Variants in SPATA17 observed in about 807,000 individuals in gnomAD.
The protein encoded by SPATA17 is spermatogenesis associated 17.
SPATA17 carries 53 observed loss-of-function variants against 62.2 expected under a neutral mutation model. That is an observed-to-expected ratio of 0.85 (90% CI 0.68 to 1.07). SPATA17 has a LOEUF of 1.07. Among genes scored for constraint, SPATA17 ranks in the 50% least tolerant of loss-of-function variants. The pLI, the probability that SPATA17 is intolerant of heterozygous loss-of-function variation, is 0.00. For synonymous variants in SPATA17, 146 were observed against 146.8 expected (o/e 0.99, Z 0.04); for missense variants, 466 against 425.5 (o/e 1.10, Z -0.84).
At chr1:217,829,141 C>A (rs1029852253) in intron 9 of SPATA17, among the ~76,000 whole-genome samples, 3 of 152,062 alleles carry the variant, frequency 2.0e-5, no homozygotes, top group African/African-American at 7.2e-5. Flanking sequence ...ATCTGCATTT[C>A]TACATTCATT....
At chr1:217,805,056 A>G (rs1558058113) in intron 9 of SPATA17, among the ~76,000 whole-genome samples, 1 of 152,202 alleles carries the variant, frequency 6.6e-6, no homozygotes, top group South Asian at 2.1e-4. Context: ...AGTGAAATCC[A>G]TATATTGAAG....
chr1:217,634,465 G>C (rs1053467905), intron 1 of SPATA17, among the ~76,000 whole-genome samples: 1 of 152,144 alleles, frequency 6.6e-6, no homozygotes, highest in Non-Finnish European at 1.5e-5. Context: ...GTCAGAGCCA[G>C]TTTATCAATC....
At chr1:217,762,307 C>G (rs145597060) in intron 6 of SPATA17, among the ~76,000 whole-genome samples, 5 of 152,320 alleles carry the variant, frequency 3.3e-5, no homozygotes, top group Admixed American at 3.3e-4. Flanking sequence ...CTGGGCCTCT[C>G]AACCTGAATG....
Position 217,656,128 on chromosome 1 carries a change from C to A in SPATA17, c.240+4950C>A, listed in dbSNP as rs1336674559. On this transcript the variant is annotated intron_variant, in intron 3 of 10. Transcript: ENST00000366933. ...CGAACTCCTGACCTCAGATGATCCA[C>A]CCGCCTTGGCCTCCAAAAATGCTGG... Among the ~76,000 whole-genome samples the A allele has an allele frequency of 7.9e-5, 12 of 152,138 alleles. No homozygotes were observed. The South Asian group carries it at 2.5e-3, about 32-fold the overall frequency.
At chr1:217,865,013 T>A (rs963308220) in intron 10 of SPATA17, among the ~76,000 whole-genome samples, 2 of 152,146 alleles carry the variant, frequency 1.3e-5, no homozygotes, top group South Asian at 2.1e-4. Flanking sequence ...ATTGACAATA[T>A]TATAAAAACG....
intron 1 of SPATA17, among the ~76,000 whole-genome samples, chr1:217,635,774 G>C (rs931085035): frequency 6.6e-6 from 1 of 151,962 alleles, no homozygotes; most frequent in African/African-American, 2.4e-5. Context: ...ATGATAACGG[G>C]ATTGGGGAGA....
chr1:217,658,494 C>A (rs186382343), intron 3 of SPATA17, among the ~76,000 whole-genome samples: 3 of 152,236 alleles, frequency 2.0e-5, no homozygotes, highest in Admixed American at 6.5e-5. Flanking sequence ...TGTGGAGGCT[C>A]ACACCTGTAA....
intron 9 of SPATA17, among the ~76,000 whole-genome samples, chr1:217,834,372 G>A (rs376537360): frequency 2.0e-5 from 3 of 152,070 alleles, no homozygotes; most frequent in African/African-American, 7.2e-5. Flanking sequence ...GGTCTTTCAG[G>A]AGGTATCCAG....
rs1004069969 is a variant in SPATA17, at chr1:217,870,049, G to A, written c.*3030G>A. ...TTACTATACAATTTTGTGTACTTTT[G>A]TAAGTTCTTGGTTGTTTCTAAACTT... On this transcript the variant is annotated 3_prime_UTR_variant, in exon 11 of 11. Coordinates refer to ENST00000366933, the MANE Select transcript of SPATA17 (RefSeq NM_138796.4). The A allele has an allele frequency of 2.0e-5, 3 of 152,080 alleles. No individual in the cohort carries two copies. The highest frequency in any genetic ancestry group is 4.4e-5 in the Non-Finnish European group (3 of 68,002). 9.4% of individuals were successfully genotyped at this position (152,080 alleles called of 1,614,324 possible).
Position 217,868,043 on chromosome 1 carries a change from A to G in SPATA17, c.*1024A>G, listed in dbSNP as rs909532983. Reference sequence around the variant, plus strand: ...CAAATAAATTACAAAACTGAGGGGAAAAAAAGGAACCTATTAAAAAGACAT... The same window carrying G: ...CAAATAAATTACAAAACTGAGGGGAGAAAAAGGAACCTATTAAAAAGACAT... On this transcript the variant is annotated 3_prime_UTR_variant, in exon 11 of 11. Transcript: ENST00000366933. 6.6e-6 allele frequency: 1 copy of G among 152,182 alleles called. No homozygotes were observed. Among genetic ancestry groups the G allele is most frequent in the Admixed American group, 6.6e-5 (1 of 15,264 alleles). The allele number at this position is 152,182 out of a possible 1,614,324, so 9.4% of individuals were successfully genotyped here. A position where few individuals can be genotyped will look rare whatever the true frequency, so the allele number is the denominator to read the frequency against.
At chr1:217,738,959 CAAAAT>C (rs1558586302) in intron 5 of SPATA17, among the ~76,000 whole-genome samples, 1 of 152,036 alleles carries the variant, frequency 6.6e-6, no homozygotes, top group African/African-American at 2.4e-5. Flanking sequence ...CTCAAAAAGA[CAAAAT>C]AAAACAAAAC....
At chr1:217,851,400 A>C (rs1398257458) in intron 9 of SPATA17, among the ~76,000 whole-genome samples, 1 of 152,094 alleles carries the variant, frequency 6.6e-6, no homozygotes, top group African/African-American at 2.4e-5. Flanking sequence ...CTACTAGATT[A>C]GCAATTTTTC....
intron 9 of SPATA17, among the ~76,000 whole-genome samples, chr1:217,825,856 G>C (rs897409803): frequency 2.6e-5 from 4 of 151,966 alleles, no homozygotes; most frequent in African/African-American, 9.7e-5. Flanking sequence ...TGTTTTCCAA[G>C]AACACACTAT....
At chr1:217,796,712 T>C (rs1008280930) in intron 8 of SPATA17, among the ~76,000 whole-genome samples, 8 of 152,186 alleles carry the variant, frequency 5.3e-5, no homozygotes, top group African/African-American at 1.9e-4. Flanking sequence ...CTATTCCAGA[T>C]TGTTGCTCAT....
chr1:217,840,904 G>T (rs1048312436), intron 9 of SPATA17, among the ~76,000 whole-genome samples: 1 of 151,654 alleles, frequency 6.6e-6, no homozygotes, highest in African/African-American at 2.4e-5. Context: ...CAATAATTTA[G>T]CTCTGCTTTA....
chr1:217,652,792 G>A (rs1670352365), intron 3 of SPATA17, among the ~76,000 whole-genome samples: 1 of 152,182 alleles, frequency 6.6e-6, no homozygotes, highest in Non-Finnish European at 1.5e-5. Context: ...TGTAGAAAGA[G>A]GACAGGCTTT....
intron 5 of SPATA17, among the ~76,000 whole-genome samples, chr1:217,700,756 C>CTTTTTTTTTTT (rs1279935780): frequency 2.2e-5 from 2 of 90,832 alleles, no homozygotes; most frequent in Middle Eastern, 5.1e-3. Flanking sequence ...CTAATTTTTT[C>CTTTTTTTTTTT]TTTTTCTTTT....
At chr1:217,782,042 G>A (rs568516192) in intron 7 of SPATA17, 132 bp from the exon 8 acceptor site, 19 of 828,528 alleles carry the variant, frequency 2.3e-5, no homozygotes, top group Middle Eastern at 2.8e-4. Context: ...CTAACTCAGC[G>A]AAGAACAAAT....
intron 9 of SPATA17, among the ~76,000 whole-genome samples, chr1:217,861,019 T>G (rs1041333643): frequency 2.0e-5 from 3 of 152,134 alleles, no homozygotes; most frequent in Admixed American, 2.0e-4. Flanking sequence ...AGTATACATT[T>G]ATGACTAATC....
Sources: allele counts gnomAD v4.1 joint callset (sites outside exome capture counted in the v4.1 genomes callset), GRCh38; gene constraint gnomAD v4.1.1; transcripts MANE v1.5; gene names NCBI Gene and HGNC (gene_info 2026-07-23, HGNC 2026-07-21).